ANXA8: variants seen among roughly 807,000 people sequenced by gnomAD.
ANXA8 encodes the protein VAC-beta.
ANXA8 carries 9 observed loss-of-function variants against 26.8 expected under a neutral mutation model. The observed-to-expected ratio is 0.34, with a 90% CI of 0.20 to 0.59. ANXA8 has a LOEUF of 0.59. Ranked by LOEUF, ANXA8 falls within the 20% of genes least tolerant of loss-of-function variation. The pLI, the probability that ANXA8 is intolerant of heterozygous loss-of-function variation, is 0.84. For synonymous variants in ANXA8, 39 were observed against 94.8 expected (o/e 0.41, Z 3.42); for missense variants, 83 against 238.5 (o/e 0.35, Z 4.29).
the ANXA8 span, among the ~76,000 whole-genome samples, chr10:47,682,972 G>A: frequency 1.3e-5 from 2 of 152,220 alleles, no homozygotes; most frequent in Non-Finnish European, 2.9e-5. Flanking sequence ...GATTACAGAT[G>A]TCTCACTTGA....
At chr10:47,688,102 AAAAT>A in the ANXA8 span, among the ~76,000 whole-genome samples, 1 of 149,626 alleles carries the variant, frequency 6.7e-6, no homozygotes, top group Non-Finnish European at 1.5e-5. Flanking sequence ...ACTCTGTCTC[AAAAT>A]AAATAAATAA....
the ANXA8 span, among the ~76,000 whole-genome samples, chr10:47,628,730 A>C: frequency 6.7e-6 from 1 of 149,874 alleles, no homozygotes; most frequent in African/African-American, 2.5e-5. Flanking sequence ...AATCCTTCTG[A>C]AATAATCCTG....
chr10:47,772,131 G>A, the ANXA8 span, among the ~76,000 whole-genome samples: 3 of 151,430 alleles, frequency 2.0e-5, no homozygotes, highest in Non-Finnish European at 4.4e-5. Context: ...TGACAGTGGT[G>A]TCAGAATGTG....
the ANXA8 span, among the ~76,000 whole-genome samples, chr10:47,743,365 T>TACAC: frequency 2.7e-5 from 1 of 37,584 alleles, no homozygotes. Context: ...CACATATATA[T>TACAC]ATATACATAT....
At chr10:47,925,845 G>A in the ANXA8 span, among the ~76,000 whole-genome samples, 1 of 139,426 alleles carries the variant, frequency 7.2e-6, no homozygotes, top group African/African-American at 2.6e-5. Flanking sequence ...TTCAGTTTTG[G>A]TTGTCTGTCT....
At chr10:47,673,268 A>G in the ANXA8 span, among the ~76,000 whole-genome samples, 2 of 151,624 alleles carry the variant, frequency 1.3e-5, no homozygotes, top group Admixed American at 6.6e-5. Flanking sequence ...GGCATTTGGA[A>G]CCTCTCCCAA....
the ANXA8 span, among the ~76,000 whole-genome samples, chr10:47,579,123 G>A: frequency 1.6e-4 from 23 of 145,040 alleles, no homozygotes; most frequent in Non-Finnish European, 3.3e-4. Flanking sequence ...GTACAGCCAT[G>A]AGCCACTGCA....
chr10:47,591,037 T>G, the ANXA8 span, among the ~76,000 whole-genome samples: 2 of 142,782 alleles, frequency 1.4e-5, 1 homozygote, highest in East Asian at 3.9e-4. Context: ...AGGGCCTCTA[T>G]TTAGGGCAAT....
the ANXA8 span, chr10:47,985,894 G>C: frequency 6.8e-6 from 1 of 147,706 alleles, no homozygotes; most frequent in South Asian, 2.1e-4. Context: ...CAGAGCTTCT[G>C]CTGTGCAGTA....
the ANXA8 span, among the ~76,000 whole-genome samples, chr10:47,541,373 C>CA: frequency 7.8e-5 from 11 of 140,676 alleles, no homozygotes; most frequent in East Asian, 2.4e-3. Context: ...ACCACAATAA[C>CA]AAAAAAACAC....
At chr10:47,552,964 A>T in the ANXA8 span, among the ~76,000 whole-genome samples, 2 of 151,914 alleles carry the variant, frequency 1.3e-5, no homozygotes, top group African/African-American at 4.8e-5. Flanking sequence ...GAAGTGAGTC[A>T]GAGGCTTCTC....
chr10:47,701,498 AAC>A, the ANXA8 span, among the ~76,000 whole-genome samples: 1 of 151,998 alleles, frequency 6.6e-6, no homozygotes, highest in African/African-American at 2.4e-5. Context: ...CACATAGTGG[AAC>A]ACTATGTACT....
chr10:47,968,287 T>C, the ANXA8 span, among the ~76,000 whole-genome samples: 46 of 151,256 alleles, frequency 3.0e-4, no homozygotes, highest in African/African-American at 1.1e-3. Flanking sequence ...GAACTGCCAA[T>C]AGCCACCTTG....
At chr10:47,691,134 G>A in the ANXA8 span, 1 of 1,608,440 alleles carries the variant, frequency 6.2e-7, no homozygotes, top group Non-Finnish European at 8.5e-7. Flanking sequence ...GTTACAGTAA[G>A]TGATCAATCA....
the ANXA8 span, among the ~76,000 whole-genome samples, chr10:47,778,961 A>G: frequency 1.3e-5 from 2 of 151,844 alleles, no homozygotes; most frequent in African/African-American, 2.4e-5. Context: ...TGCCTACATT[A>G]TGATATATAA....
chr10:47,670,886 G>T, the ANXA8 span, among the ~76,000 whole-genome samples: 1 of 150,624 alleles, frequency 6.6e-6, no homozygotes, highest in Non-Finnish European at 1.5e-5. Flanking sequence ...CAGAATTGGT[G>T]TCATTTGTGT....
the ANXA8 span, among the ~76,000 whole-genome samples, chr10:47,624,101 G>T: frequency 1.9e-5 from 2 of 104,854 alleles, 1 homozygote; most frequent in Non-Finnish European, 4.1e-5. Flanking sequence ...AATTAGCCGG[G>T]CATGGTGGCA....
chr10:47,566,927 G>C, the ANXA8 span, among the ~76,000 whole-genome samples: 3 of 145,654 alleles, frequency 2.1e-5, no homozygotes, highest in Non-Finnish European at 4.5e-5. Flanking sequence ...TCAGGCAGGA[G>C]GGGGGCCTGG....
At chr10:47,979,353 A>C in the ANXA8 span, among the ~76,000 whole-genome samples, 2 of 151,746 alleles carry the variant, frequency 1.3e-5, no homozygotes, top group Non-Finnish European at 2.9e-5. Context: ...CACCACCACC[A>C]ACAGAATAGA....
Sources: allele counts gnomAD v4.1 joint callset (sites outside exome capture counted in the v4.1 genomes callset), GRCh38; gene constraint gnomAD v4.1.1; transcripts MANE v1.5; gene names NCBI Gene and HGNC (gene_info 2026-07-23, HGNC 2026-07-21).